Variants in SLC9A8 observed in about 807,000 individuals in gnomAD.
The protein encoded by SLC9A8 is solute carrier family 9 member A8.
In SLC9A8, 48 loss-of-function variants were observed where a neutral mutation model predicts 66.6. The ratio of observed to expected loss-of-function variants is 0.72; its 90% CI spans 0.57 to 0.92. The LOEUF is 0.92. SLC9A8 is among the 40% of genes least tolerant of loss of function. The probability of loss-of-function intolerance (pLI) is 0.00; values close to 1 mark genes in which losing one functional copy is unlikely to be tolerated. For missense variants in SLC9A8, 599 were observed against 747.3 expected (o/e 0.80, Z 2.31); for synonymous variants, 274 against 282.6 (o/e 0.97, Z 0.31).
intron 8 of SLC9A8, among the ~76,000 whole-genome samples, chr20:49,855,788 G>A (rs1001576914): frequency 2.6e-5 from 4 of 152,036 alleles, no homozygotes; most frequent in African/African-American, 9.7e-5. Context: ...GGTTAAAAGA[G>A]GAGAGTCCAC....
chr20:49,887,300 G>A (rs1315862329), intron 15 of SLC9A8, among the ~76,000 whole-genome samples: 1 of 152,108 alleles, frequency 6.6e-6, no homozygotes, highest in Non-Finnish European at 1.5e-5. Context: ...GGAGGCCTTG[G>A]GTAGGGGTGG....
chr20:49,851,869 G>A (rs2088268139), intron 7 of SLC9A8, among the ~76,000 whole-genome samples: 1 of 152,222 alleles, frequency 6.6e-6, no homozygotes, highest in African/African-American at 2.4e-5. Context: ...AGTAAAGGAA[G>A]GTATCACAGT....
intron 2 of SLC9A8, among the ~76,000 whole-genome samples, chr20:49,816,241 G>A (rs2086542777): frequency 6.6e-6 from 1 of 152,050 alleles, no homozygotes; most frequent in African/African-American, 2.4e-5. Context: ...CCAACATGGT[G>A]AAACCCTGTC....
At chr20:49,878,192 A>C in intron 12 of SLC9A8, 129 bp downstream of exon 12, 1 of 518,318 alleles carries the variant, frequency 1.9e-6, no homozygotes, top group South Asian at 3.8e-5. Context: ...CTTTTGTTTA[A>C]AGTTTCTTTT....
rs1193402946 is a variant in SLC9A8, at chr20:49,874,731, A to T, written c.985A>T (p.Ile329Phe). 6.2e-7 allele frequency: 1 copy of T among 1,612,188 alleles called. No homozygotes were observed. Among genetic ancestry groups the T allele is most frequent in the Non-Finnish European group, 8.5e-7 (1 of 1,178,358 alleles). Residue 329 changes from isoleucine to phenylalanine, a missense_variant, in exon 11 of 16, where the codon ATC becomes TTC. Ile to Phe is a conservative substitution (Grantham distance 21). Around this residue, in one of 2 missense-constraint regions of SLC9A8, gnomAD observed 467 missense variants for 626.5 expected, o/e 0.75. Transcript: ENST00000361573. ...CATCATGGCCATCCTTTTCTCAGGC[A>T]TCGTGATGTCCCACTACACGCACCA... ...SGIMAILFSG[I>F]VMSHYTHHNL...
At chr20:49,863,321 A>T (rs1465402761) in intron 9 of SLC9A8, among the ~76,000 whole-genome samples, 2 of 152,130 alleles carry the variant, frequency 1.3e-5, no homozygotes, top group African/African-American at 4.8e-5. Context: ...GATTTTGGGG[A>T]CCTCTCAGTT....
At position 49,884,839 on chromosome 20, in the gene SLC9A8, C is replaced by G. The variant is rs189875807; in HGVS notation, c.1491+773C>G. On this transcript the variant is annotated intron_variant, in intron 14 of 15. Transcript: ENST00000361573. Reference sequence around the variant, plus strand: ...CGCCCTGTCTTCACCCTCAGGACCCCTGTGCAAAGCTAGGCCCTCTGACCG... The same window carrying G: ...CGCCCTGTCTTCACCCTCAGGACCCGTGTGCAAAGCTAGGCCCTCTGACCG... 4.0e-4 allele frequency among the ~76,000 whole-genome samples: 61 copies of G among 152,322 alleles called. No individual in the cohort carries two copies. The South Asian group carries it at 0.012, about 30-fold the overall frequency.
At position 49,864,796 on chromosome 20, in the gene SLC9A8, A is replaced by G; in HGVS notation, c.910A>G (p.Ile304Val). 1 of 1,614,104 alleles carries G rather than the reference A, an allele frequency of 6.2e-7. No individual in the cohort carries two copies. The highest frequency in any genetic ancestry group is 8.5e-7 in the Non-Finnish European group (1 of 1,179,982). ...TPSLEFGMMI[I>V]FAYLPYGLAE... ...TTCCTTGGAGTTTGGCATGATGATC[A>G]TTTTTGCTTATCTGCCTTATGGGCT... The change falls in exon 10 of 16, where the codon ATT becomes GTT. Residue 304 changes from isoleucine (I) to valine (V), a missense_variant. Around this residue, in one of 2 missense-constraint regions of SLC9A8, gnomAD observed 467 missense variants for 626.5 expected, o/e 0.75. Transcript: ENST00000361573.
chr20:49,831,991 G>A (rs1484743189), intron 3 of SLC9A8, among the ~76,000 whole-genome samples: 1 of 152,132 alleles, frequency 6.6e-6, no homozygotes, highest in Admixed American at 6.5e-5. Flanking sequence ...GGAGCCAAGA[G>A]GAGTGGGGTT....
chr20:49,831,116 A>G, intron 3 of SLC9A8: 1 of 573,692 alleles, frequency 1.7e-6, no homozygotes, highest in East Asian at 3.3e-5. Flanking sequence ...CAGCCCTCTA[A>G]TCTCTCCGCT....
At chr20:49,884,338 C>CACACACACACACACACACCCA (rs1600823664) in intron 14 of SLC9A8, among the ~76,000 whole-genome samples, 1 of 44,570 alleles carries the variant, frequency 2.2e-5, no homozygotes, top group Non-Finnish European at 4.3e-5. Flanking sequence ...ACACACACAC[C>CACACACACACACACACACCCA]CCCCGGTCAT....
intron 10 of SLC9A8, among the ~76,000 whole-genome samples, chr20:49,866,059 C>T (rs1259634879): frequency 6.6e-6 from 1 of 152,212 alleles, no homozygotes; most frequent in Non-Finnish European, 1.5e-5. Context: ...CCCCCACAGT[C>T]GAGGTGTGGC....
At chr20:49,867,995 A>G (rs1039054448) in intron 10 of SLC9A8, among the ~76,000 whole-genome samples, 3 of 152,214 alleles carry the variant, frequency 2.0e-5, no homozygotes, top group African/African-American at 7.2e-5. Context: ...CCAGTTCACC[A>G]GGGTAATTCC....
chr20:49,861,658 A>G (rs1226266828), intron 8 of SLC9A8, among the ~76,000 whole-genome samples: 2 of 152,178 alleles, frequency 1.3e-5, no homozygotes, highest in African/African-American at 2.4e-5. Flanking sequence ...AGTAAAGGGC[A>G]GTAGGGGAGG....
Position 49,888,247 on chromosome 20 carries a change from A to AC in SLC9A8, c.*318dup, listed in dbSNP as rs562773742. The AC allele has an allele frequency of 1.8e-3, 537 of 302,162 alleles. 2 individuals are homozygous for AC. The highest frequency in any genetic ancestry group is 5.9e-3 in the South Asian group (197 of 33,528). 18.7% of individuals were successfully genotyped at this position (302,162 alleles called of 1,614,324 possible). ...AGTCATCTGTGAAGCTAGGGCGCCT[A>AC]CCCCCCCACCCGGAGGACCCCTGCG... On this transcript the variant is annotated 3_prime_UTR_variant, in exon 16 of 16. Coordinates refer to ENST00000361573, the MANE Select transcript of SLC9A8 (RefSeq NM_015266.3).
At chr20:49,860,158 A>G (rs1338811772) in intron 8 of SLC9A8, among the ~76,000 whole-genome samples, 1 of 152,172 alleles carries the variant, frequency 6.6e-6, no homozygotes, top group African/African-American at 2.4e-5. Context: ...ATGGCCTTCA[A>G]AAGCACTTTT....
chr20:49,883,818 TC>T (rs753507409), intron 13 of SLC9A8, 27 bp from the exon 14 acceptor site: 1 of 1,574,634 alleles, frequency 6.4e-7, no homozygotes. Context: ...CTTCACTGTG[TC>T]CTCTCACACT....
intron 7 of SLC9A8, among the ~76,000 whole-genome samples, chr20:49,854,561 CATGTGGTATT>C (rs1568842935): frequency 6.6e-6 from 1 of 151,804 alleles, no homozygotes; most frequent in Non-Finnish European, 1.5e-5. Context: ...TCCTGGGTCA[CATGTGGTATT>C]GTCTGAATTT....
At chr20:49,882,266 G>C (rs920718409) in intron 13 of SLC9A8, among the ~76,000 whole-genome samples, 1 of 152,162 alleles carries the variant, frequency 6.6e-6, no homozygotes, top group Admixed American at 6.5e-5. Flanking sequence ...GCCTGTCCAC[G>C]GGGCTGGAAT....
Sources: gnomAD v4.1 joint callset for allele counts (sites outside exome capture counted in the v4.1 genomes callset) on GRCh38, gnomAD v4.1.1 for gene constraint, gnomAD v4.1.1 regional missense constraint, MANE v1.5 for transcripts, NCBI Gene and HGNC (gene_info 2026-07-23, HGNC 2026-07-21) for gene names.